Variants in EYA3 observed in about 807,000 individuals in gnomAD.
EYA3 encodes protein phosphatase EYA3.
Under a neutral mutation model 80.0 loss-of-function variants are expected in EYA3, and 39 were observed. The observed-to-expected ratio is 0.49, with a 90% CI of 0.38 to 0.64. The LOEUF (loss-of-function observed/expected upper bound fraction) is 0.64, where lower values mean the gene tolerates loss of function less well. Among genes scored for constraint, EYA3 ranks in the 30% least tolerant of loss-of-function variants. The pLI is 0.00. For synonymous variants in EYA3, 206 were observed against 232.8 expected (o/e 0.88, Z 1.05); for missense variants, 523 against 676.1 (o/e 0.77, Z 2.51).
intron 17 of EYA3, chr1:27,977,058 C>T (rs1363474253): frequency 4.1e-6 from 4 of 985,324 alleles, no homozygotes; most frequent in Non-Finnish European, 4.8e-6. Flanking sequence ...AAGACATTAG[C>T]TCAGAGTTAC....
intron 1 of EYA3, among the ~76,000 whole-genome samples, chr1:28,076,806 T>C (rs1009981776): frequency 6.7e-6 from 1 of 148,892 alleles, no homozygotes; most frequent in African/African-American, 2.5e-5. Context: ...GATGGCGTGA[T>C]CTCGGCTCAC....
chr1:28,017,340 TAAAC>T (rs1323152500), intron 7 of EYA3, 101 bp from the exon 8 acceptor site: 11 of 796,472 alleles, frequency 1.4e-5, no homozygotes, highest in Non-Finnish European at 2.0e-5. Flanking sequence ...TATAAGGAGA[TAAAC>T]AACATTGGCA....
At chr1:28,047,293 G>A (rs1223406360) in intron 3 of EYA3, among the ~76,000 whole-genome samples, 3 of 151,902 alleles carry the variant, frequency 2.0e-5, no homozygotes, top group South Asian at 2.1e-4. Context: ...TCACCACGCC[G>A]AGCTAATTTT....
intron 1 of EYA3, among the ~76,000 whole-genome samples, chr1:28,085,772 T>TGTTA (rs1158958870): frequency 1.3e-5 from 2 of 152,160 alleles, no homozygotes; most frequent in African/African-American, 4.8e-5. Context: ...TTTGTTTGTT[T>TGTTA]GTTTGTTTGT....
intron 14 of EYA3, among the ~76,000 whole-genome samples, chr1:27,992,126 C>G (rs1448525341): frequency 6.6e-6 from 1 of 152,124 alleles, no homozygotes; most frequent in Non-Finnish European, 1.5e-5. Flanking sequence ...AAGTCTTGTT[C>G]CTACTTTCTG....
At chr1:28,088,329 G>GTGAGA (rs1645748150) in intron 1 of EYA3, among the ~76,000 whole-genome samples, 195 bp downstream of exon 1, 1 of 152,176 alleles carries the variant, frequency 6.6e-6, no homozygotes, top group South Asian at 2.1e-4. Flanking sequence ...GCACGGAAGC[G>GTGAGA]CGAGAAGGCT....
At position 27,974,259 on chromosome 1, in the gene EYA3, C is replaced by CAGAG. The variant is rs3831952; in HGVS notation, c.*203_*206dup. On this transcript the variant is annotated 3_prime_UTR_variant, in exon 18 of 18. Coordinates refer to ENST00000373871, the MANE Select transcript of EYA3 (RefSeq NM_001990.4). The stretch of plus-strand genomic sequence containing the variant: ...CTCGCCAGCATTCCATGGATAAAGA[C>CAGAG]AGAGAGAGAGAGAGAGAGAGAGGCA... 1.8e-3 allele frequency: 598 copies of CAGAG among 338,324 alleles called. 2 individuals are homozygous for CAGAG. The highest frequency in any genetic ancestry group is 8.0e-3 in the African/African-American group (346 of 43,296). The allele number at this position is 338,324 out of a possible 1,614,324, so 21.0% of individuals were successfully genotyped here.
intron 12 of EYA3, among the ~76,000 whole-genome samples, chr1:27,998,058 A>G (rs951893400): frequency 1.3e-5 from 2 of 152,138 alleles, no homozygotes; most frequent in Non-Finnish European, 2.9e-5. Context: ...CCATGCTACT[A>G]CTGACATAAA....
chr1:28,084,597 T>TATATA (rs1557659989), intron 1 of EYA3, among the ~76,000 whole-genome samples: 11 of 15,656 alleles, frequency 7.0e-4, no homozygotes, highest in Non-Finnish European at 8.8e-4. Context: ...ATATATATAT[T>TATATA]TTTTTTTTTT....
chr1:28,034,831 A>T (rs1383637392), intron 6 of EYA3, among the ~76,000 whole-genome samples: 1 of 152,206 alleles, frequency 6.6e-6, no homozygotes, highest in East Asian at 1.9e-4. Context: ...TAAATAATAT[A>T]GTATTCTTTT....
intron 2 of EYA3, 118 bp downstream of exon 2, chr1:28,057,876 C>T (rs1443750705): frequency 1.8e-6 from 1 of 568,616 alleles, no homozygotes; most frequent in Admixed American, 3.0e-5. Flanking sequence ...TGAAAGGAAA[C>T]AAGGAATCTT....
In EYA3 at chr1:27,994,491, G is replaced by A. The variant is rs6665440; in HGVS notation, c.1143-931C>T. Among the ~76,000 whole-genome samples, 1,405 of 152,016 alleles carry A rather than the reference G, an allele frequency of 9.2e-3. 10 individuals are homozygous for A. The highest frequency in any genetic ancestry group is 0.017 in the African/African-American group (701 of 41,456). ...AGGCGGGTGGATCTCCTGAGGTCCC[G>A]CCTCGGCCAACATGGTGAAACCCTG... On this transcript the variant is annotated intron_variant, in intron 13 of 17. Transcript: ENST00000373871.
chr1:28,080,810 G>C (rs1435561444), intron 1 of EYA3, among the ~76,000 whole-genome samples: 2 of 152,148 alleles, frequency 1.3e-5, no homozygotes, highest in Non-Finnish European at 2.9e-5. Context: ...GAGTGCAATA[G>C]CGTGGTCTCG....
chr1:28,009,418 G>A lies in EYA3; in HGVS notation c.909+1529C>T, dbSNP rs907031210. On this transcript the variant is annotated intron_variant, in intron 10 of 17. Coordinates refer to ENST00000373871, the MANE Select transcript of EYA3 (RefSeq NM_001990.4). This position sits in a 1 kb window ranked among gnomAD's most constrained non-coding sequence, Gnocchi z 4.8. ...TGTAATCCCAGCACTATGGGAGGCC[G>A]AGGCAGGCGGATCACGAGGTCAGGA... Among the ~76,000 whole-genome samples, 2 of 152,168 alleles carry A rather than the reference G, an allele frequency of 1.3e-5. No homozygotes were observed. The highest frequency in any genetic ancestry group is 2.9e-5 in the Non-Finnish European group (2 of 68,032).
At chr1:28,016,655 C>G (rs966753396) in intron 8 of EYA3, among the ~76,000 whole-genome samples, 44 of 150,042 alleles carry the variant, frequency 2.9e-4, no homozygotes, top group African/African-American at 1.1e-3. Context: ...CAAATCAAAA[C>G]AAAAATAAAA....
At chr1:27,987,556 T>G (rs967049678) in intron 16 of EYA3, among the ~76,000 whole-genome samples, 2 of 152,172 alleles carry the variant, frequency 1.3e-5, no homozygotes, top group Admixed American at 6.5e-5. Flanking sequence ...GCTCAAGTGA[T>G]CCTCCTGACT....
chr1:27,985,307 G>A (rs1273731632), intron 16 of EYA3, among the ~76,000 whole-genome samples: 3 of 151,822 alleles, frequency 2.0e-5, no homozygotes, highest in Non-Finnish European at 4.4e-5. Context: ...TTGAACCCCC[G>A]GGCTCAAGCA....
chr1:27,999,914 G>C (rs2148754527), intron 12 of EYA3, 46 bp downstream of exon 12: 1 of 1,338,468 alleles, frequency 7.5e-7, no homozygotes, highest in Non-Finnish European at 1.1e-6. Flanking sequence ...AATAGTTATT[G>C]AATGAAGTGT....
chr1:27,988,647 A>G lies in EYA3; in HGVS notation c.1428T>C (p.Cys476=). Reference sequence around the variant, plus strand: ...GGGTGGTAGTGATCAGAACATTCACACAATTCTTTCTATAAGGGAGTAAAA... The same window carrying G: ...GGGTGGTAGTGATCAGAACATTCACGCAATTCTTTCTATAAGGGAGTAAAA... The part of the protein sequence containing the change: ...SLLLIQSRKN[C]VNVLITTTQL... The change falls in exon 16 of 18, where the codon TGT becomes TGC. Residue 476 remains cysteine (C), a synonymous_variant. Transcript: ENST00000373871. The G allele has an allele frequency of 1.2e-6, 2 of 1,613,920 alleles. No individual in the cohort carries two copies. The highest frequency in any genetic ancestry group is 1.7e-6 in the Non-Finnish European group (2 of 1,179,928).
Sources: allele counts gnomAD v4.1 joint callset (sites outside exome capture counted in the v4.1 genomes callset), GRCh38; gene constraint gnomAD v4.1.1; non-coding constraint Gnocchi (gnomAD v3.1); transcripts MANE v1.5; gene names NCBI Gene and HGNC (gene_info 2026-07-23, HGNC 2026-07-21).